Variants in POMT2 observed in about 807,000 individuals in gnomAD.
The protein encoded by POMT2 is protein O-mannosyl-transferase 2.
In POMT2, 75 loss-of-function variants were observed where a neutral mutation model predicts 100.0. That is an observed-to-expected ratio of 0.75 (90% CI 0.62 to 0.91). The LOEUF (loss-of-function observed/expected upper bound fraction) is 0.91. POMT2 is among the 40% of genes least tolerant of loss of function. The pLI, the probability that POMT2 is intolerant of heterozygous loss-of-function variation, is 0.00. For synonymous variants in POMT2, 378 were observed against 374.1 expected (o/e 1.01, Z -0.12); for missense variants, 940 against 955.1 (o/e 0.98, Z 0.21).
chr14:77,279,974 A>G, intron 17 of POMT2, 46 bp from the exon 18 acceptor site: 14 of 1,614,152 alleles, frequency 8.7e-6, no homozygotes, highest in Non-Finnish European at 1.2e-5. Context: ...GCCGCTCTCC[A>G]CGGGCAAGTG....
chr14:77,279,154 C>CACTCCCTA (rs1188069514), intron 18 of POMT2: 2 of 508,458 alleles, frequency 3.9e-6, no homozygotes, highest in Non-Finnish European at 7.2e-6. Flanking sequence ...CAGACAGCTT[C>CACTCCCTA]ACTCCCTACT....
intron 14 of POMT2, among the ~76,000 whole-genome samples, chr14:77,284,589 G>C (rs926999745): frequency 2.0e-5 from 3 of 152,038 alleles, no homozygotes; most frequent in African/African-American, 7.2e-5. Flanking sequence ...TGGATATGTG[G>C]GGGGGCGGGG....
intron 15 of POMT2, among the ~76,000 whole-genome samples, chr14:77,282,748 A>C (rs1436643320): frequency 6.6e-6 from 1 of 152,254 alleles, no homozygotes; most frequent in African/African-American, 2.4e-5. Flanking sequence ...TTTAAAATTT[A>C]ATCTGGTGAA....
Position 77,286,781 on chromosome 14 carries a change from A to G in POMT2, c.1295T>C (p.Met432Thr). 6.2e-7 allele frequency: 1 copy of G among 1,614,200 alleles called. No individual in the cohort carries two copies. Among genetic ancestry groups the G allele is most frequent in the Non-Finnish European group, 8.5e-7 (1 of 1,180,038 alleles). The part of the protein sequence containing the change: ...NLHSHYHEAP[M>T]TRKHYQVTGY... ...GGTGACCTGATAGTGCTTCCGGGTC[A>G]TGGGGGCCTCATGATAGTGACTGTG... is the stretch of plus-strand genomic sequence containing the variant. Residue 432 changes from methionine (M) to threonine (T), a missense_variant, in exon 12 of 21, where the codon ATG becomes ACG. Physicochemically the swap from Met to Thr is moderately conservative, Grantham distance 81. Transcript: ENST00000261534.
rs376485603 is a variant in POMT2, at chr14:77,302,851, T to G, written c.640A>C (p.Asn214His). Reference sequence around the variant, plus strand: ...GTTTCTGACCTGTCGGCGCAAGAGTTGTACTTGACCATGCTCAGCATGGCA... The same window carrying G: ...GTTTCTGACCTGTCGGCGCAAGAGTGGTACTTGACCATGCTCAGCATGGCA... ...MAAMLSMVKY[N>H]SCADRPFSAP... Residue 214 changes from asparagine to histidine, a missense_variant, in exon 5 of 21, where the codon AAC becomes CAC. Coordinates refer to ENST00000261534, the MANE Select transcript of POMT2 (RefSeq NM_013382.7). 85 of 1,612,534 alleles carry G rather than the reference T, an allele frequency of 5.3e-5. No individual in the cohort carries two copies. Among genetic ancestry groups the G allele is most frequent in the Non-Finnish European group, 6.8e-5 (80 of 1,178,754 alleles).
intron 4 of POMT2, among the ~76,000 whole-genome samples, chr14:77,304,256 T>A (rs921930126): frequency 8.5e-5 from 13 of 152,230 alleles, no homozygotes; most frequent in African/African-American, 3.1e-4. Flanking sequence ...AAGTTCCCAT[T>A]TTGCTATCTC....
intron 4 of POMT2, among the ~76,000 whole-genome samples, chr14:77,303,298 C>T (rs1345841498): frequency 6.6e-6 from 1 of 152,124 alleles, no homozygotes; most frequent in Non-Finnish European, 1.5e-5. Context: ...ACTATCTACA[C>T]CTATGATAGA....
intron 1 of POMT2, among the ~76,000 whole-genome samples, chr14:77,318,028 T>C (rs927842380): frequency 1.3e-5 from 2 of 152,186 alleles, no homozygotes; most frequent in Non-Finnish European, 2.9e-5. Flanking sequence ...GGCCTGCGTA[T>C]TGGTAGGGGA....
Position 77,280,372 on chromosome 14 carries a change from G to A in POMT2, c.1725+20C>T, listed in dbSNP as rs1352283414. 6.2e-6 allele frequency: 10 copies of A among 1,614,026 alleles called. No homozygotes were observed. The highest frequency in any genetic ancestry group is 3.3e-5 in the Admixed American group (2 of 60,020). On this transcript the variant is annotated intron_variant, in intron 16 of 20. Transcript: ENST00000261534. ...TTCTTGGCTCCATTTCCTGGGAGGAGCCCCAGCCTTGGATCCTACCTGATA... is the reference window on the plus strand; with the variant it reads ...TTCTTGGCTCCATTTCCTGGGAGGAACCCCAGCCTTGGATCCTACCTGATA...
At position 77,320,716 on chromosome 14, in the gene POMT2, G is replaced by C; in HGVS notation, c.-35C>G. 1 of 1,587,398 alleles carries C rather than the reference G, an allele frequency of 6.3e-7. No individual in the cohort carries two copies. Among genetic ancestry groups the C allele is most frequent in the Non-Finnish European group, 8.5e-7 (1 of 1,175,784 alleles). ...CCTCTGGGTCGCCCTCCGGCCCGGA[G>C]GCACACTTTGTCTGACCAGCCGCCC... On this transcript the variant is annotated 5_prime_UTR_variant, in exon 1 of 21. Coordinates refer to ENST00000261534, the MANE Select transcript of POMT2 (RefSeq NM_013382.7).
In POMT2 at chr14:77,299,537, C is replaced by A; in HGVS notation, c.841G>T (p.Ala281Ser). 1 of 1,614,166 alleles carries A rather than the reference C, an allele frequency of 6.2e-7. No homozygotes were observed. The highest frequency in any genetic ancestry group is 1.1e-5 in the South Asian group (1 of 91,084). Residue 281 changes from alanine to serine, a missense_variant, in exon 7 of 21, where the codon GCT becomes TCT. Coordinates refer to ENST00000261534, the MANE Select transcript of POMT2 (RefSeq NM_013382.7). ...AGCACTATGAGGCACAGGACACGAGCAGTCAGGTGTTTTCCCACAGTCACC... is the reference window on the plus strand; with the variant it reads ...AGCACTATGAGGCACAGGACACGAGAAGTCAGGTGTTTTCCCACAGTCACC... ...SLVTVGKHLT[A>S]RVLCLIVLPL...
intron 8 of POMT2, among the ~76,000 whole-genome samples, chr14:77,297,874 T>A (rs1000417413): frequency 1.3e-5 from 2 of 152,094 alleles, no homozygotes; most frequent in Admixed American, 1.3e-4. Context: ...CTCCCACCCA[T>A]GTCATCTCCC....
Position 77,283,806 on chromosome 14 carries a change from G to A in POMT2, c.1644C>T (p.Val548=). ...AGAAGGGGACACATACCCGGATCATGACCATGTGGGATTCCAGCAAGATCT... is the reference window on the plus strand; with the variant it reads ...AGAAGGGGACACATACCCGGATCATAACCATGTGGGATTCCAGCAAGATCT... ...FPEILLESHM[V]MIRGNSGLKP... Residue 548 remains valine, a synonymous_variant, in exon 15 of 21, where the codon GTC becomes GTT. Transcript: ENST00000261534. The A allele has an allele frequency of 6.2e-7, 1 of 1,609,510 alleles. No individual in the cohort carries two copies. The highest frequency in any genetic ancestry group is 8.5e-7 in the Non-Finnish European group (1 of 1,175,810).
intron 8 of POMT2, 63 bp from the exon 9 acceptor site, chr14:77,296,336 C>T (rs932046037): frequency 4.3e-5 from 51 of 1,187,678 alleles, no homozygotes; most frequent in Middle Eastern, 4.5e-4. Flanking sequence ...TCCGTGCCTG[C>T]GAGGAGCCTC....
chr14:77,279,840 A>T lies in POMT2; in HGVS notation c.1874T>A (p.Leu625Gln). The T allele has an allele frequency of 6.2e-7, 1 of 1,613,780 alleles. No individual in the cohort carries two copies. The highest frequency in any genetic ancestry group is 1.1e-5 in the South Asian group (1 of 91,056). Reference sequence around the variant, plus strand: ...GACCTGACCTGCAACCTCCGCTGGCAGCCGTGCCCCTCTCTGCATGGCTAC... The same window carrying T: ...GACCTGACCTGCAACCTCCGCTGGCTGCCGTGCCCCTCTCTGCATGGCTAC... ...IAVAMQRGAR[L>Q]PAEVAGLSQV... is the part of the protein sequence containing the mutation. Residue 625 changes from leucine to glutamine, a missense_variant, in exon 18 of 21, where the codon CTG becomes CAG. Physicochemically the swap from Leu to Gln is moderately radical, Grantham distance 113. Transcript: ENST00000261534.
intron 1 of POMT2, among the ~76,000 whole-genome samples, chr14:77,314,458 G>C (rs1057013566): frequency 6.6e-6 from 1 of 152,198 alleles, no homozygotes; most frequent in African/African-American, 2.4e-5. Context: ...ACAGTGACAG[G>C]CTAACTTATT....
intron 11 of POMT2, among the ~76,000 whole-genome samples, chr14:77,288,006 C>A (rs1242340146): frequency 1.3e-5 from 2 of 152,202 alleles, no homozygotes; most frequent in Non-Finnish European, 2.9e-5. Context: ...GTGGATAGGG[C>A]AGATTTACCC....
intron 5 of POMT2, among the ~76,000 whole-genome samples, chr14:77,302,545 A>C (rs1891079147): frequency 6.6e-6 from 1 of 152,190 alleles, no homozygotes; most frequent in Admixed American, 6.5e-5. Context: ...ACCCCTACCC[A>C]ATTGTACTCC....
intron 10 of POMT2, among the ~76,000 whole-genome samples, chr14:77,290,155 C>T (rs1040725477): frequency 6.6e-6 from 1 of 152,160 alleles, no homozygotes; most frequent in Admixed American, 6.5e-5. Context: ...CCCACAAAAT[C>T]CTTAATCACT....
Sources: gnomAD v4.1 joint callset for allele counts (sites outside exome capture counted in the v4.1 genomes callset) on GRCh38, gnomAD v4.1.1 for gene constraint, MANE v1.5 for transcripts, NCBI Gene and HGNC (gene_info 2026-07-23, HGNC 2026-07-21) for gene names.